The following AQR variants were observed in gnomAD, a reference collection of about 807,000 sequenced individuals.
AQR encodes RNA helicase aquarius.
Under a neutral mutation model 180.5 loss-of-function variants are expected in AQR, and 61 were observed. That is an observed-to-expected ratio of 0.34 (90% confidence interval 0.28 to 0.42). The LOEUF is 0.42. Among genes scored for constraint, AQR ranks in the 10% least tolerant of loss-of-function variants. The pLI, the probability that AQR is intolerant of heterozygous loss-of-function variation, is 1.00. For missense variants in AQR, 1,281 were observed against 1,798.3 expected, an observed-to-expected ratio of 0.71 and a Z score of 5.20; for synonymous variants, 551 against 588.8, an observed-to-expected ratio of 0.94 and a Z score of 0.93.
At position 34,894,162 on chromosome 15, in the gene AQR, A is replaced by G. The variant is rs570641882; in HGVS notation, c.2461-389T>C. Reference sequence around the variant, plus strand: ...GATTCAAGCAGCTCAGTGAACCCCAACAGAATAACCCCAAAGAAATCCAAG... The same window carrying G: ...GATTCAAGCAGCTCAGTGAACCCCAGCAGAATAACCCCAAAGAAATCCAAG... On this transcript the variant is annotated intron_variant, in intron 22 of 34. Coordinates refer to ENST00000156471, the MANE Select transcript of AQR (RefSeq NM_014691.3). Among the ~76,000 whole-genome samples, 4 of 152,248 alleles carry G rather than the reference A, an allele frequency of 2.6e-5. No homozygotes were observed. The East Asian group carries it at 7.7e-4, about 29-fold the overall frequency.
At chr15:34,935,237 T>C (rs921967957) in intron 9 of AQR, among the ~76,000 whole-genome samples, 17 of 152,194 alleles carry the variant, frequency 1.1e-4, no homozygotes, top group African/African-American at 4.1e-4. Flanking sequence ...ATGAGCATAG[T>C]ATACTATTTT....
At chr15:34,883,233 G>A (rs755161812) in intron 26 of AQR, among the ~76,000 whole-genome samples, 5 of 152,076 alleles carry the variant, frequency 3.3e-5, no homozygotes, top group Admixed American at 6.6e-5. Context: ...CTCTCTCATC[G>A]GCTATACTAA....
Sources: allele counts gnomAD v4.1 joint callset (sites outside exome capture counted in the v4.1 genomes callset), GRCh38; gene constraint gnomAD v4.1.1; transcripts MANE v1.5; gene names NCBI Gene and HGNC (gene_info 2026-07-23, HGNC 2026-07-21).